The following PRSS23 variants were observed in gnomAD, a reference collection of about 807,000 sequenced individuals.
PRSS23 encodes the protein serine protease 23.
A neutral mutation model predicts 34.7 loss-of-function variants in PRSS23; 25 were observed. The ratio of observed to expected loss-of-function variants is 0.72; its 90% CI spans 0.53 to 1.01. PRSS23 has a LOEUF of 1.01. PRSS23 is among the 50% of genes least tolerant of loss of function. The pLI is 0.00. For missense variants in PRSS23, 445 were observed against 475.6 expected (o/e 0.94, Z 0.60); for synonymous variants, 176 against 186.6 (o/e 0.94, Z 0.46).
chr11:86,826,596 T>G (rs1235494178), intron 2 of PRSS23, among the ~76,000 whole-genome samples: 5 of 152,228 alleles, frequency 3.3e-5, no homozygotes, highest in Admixed American at 3.3e-4. Context: ...TGCTTCCAAT[T>G]TCTGCCCATT....
Position 86,808,592 on chromosome 11 carries a change from G to A in PRSS23, c.949G>A (p.Gly317Arg), listed in dbSNP as rs751559846. The change falls in exon 2 of 2, where the codon GGG (glycine) becomes AGG (arginine). Residue 317 changes from glycine to arginine, a missense_variant. Physicochemically the swap from Gly to Arg is moderately radical, Grantham distance 125. Coordinates refer to ENST00000280258, the MANE Select transcript of PRSS23 (RefSeq NM_007173.6). ...ATGCGATGCCCAGCCAGGGGCCAGC[G>A]GGTCTGGGGTCTATGTGAGGATGTG... is the stretch of plus-strand genomic sequence containing the variant. ...QQCDAQPGAS[G>R]SGVYVRMWKR... 3.7e-6 allele frequency: 6 copies of A among 1,614,100 alleles called. No homozygotes were observed. Among genetic ancestry groups the A allele is most frequent in the African/African-American group, 1.3e-5 (1 of 74,932 alleles).
chr11:86,841,471 AC>A lies in PRSS23; in HGVS notation c.206+17879del, dbSNP rs554632422. Among the ~76,000 whole-genome samples, 87 of 152,232 alleles carry A rather than the reference AC, an allele frequency of 5.7e-4. 1 individual carries two copies. Among genetic ancestry groups the A allele is most frequent in the Middle Eastern group, 3.4e-3 (1 of 294 alleles). On this transcript the variant is annotated intron_variant, in intron 2 of 2. Coordinates refer to the PRSS23 transcript ENST00000533902. ...CTGAAGGAGATAAGAGACACAAAAA[AC>A]ACTTCAAAAAAATCAATGAATCCAG...
At chr11:86,805,976 C>T (rs1175611095) in intron 1 of PRSS23, among the ~76,000 whole-genome samples, 1 of 152,196 alleles carries the variant, frequency 6.6e-6, no homozygotes, top group Non-Finnish European at 1.5e-5. Context: ...GTTACCCTAC[C>T]TGCTGAGTCA....
chr11:86,894,089 C>T (rs1394371964), intron 2 of PRSS23, among the ~76,000 whole-genome samples: 1 of 152,240 alleles, frequency 6.6e-6, no homozygotes, highest in Non-Finnish European at 1.5e-5. Context: ...TCTTGGCTCA[C>T]TGCAACCTCC....
chr11:86,896,945 C>T (rs1282602704), intron 2 of PRSS23, among the ~76,000 whole-genome samples: 1 of 152,214 alleles, frequency 6.6e-6, no homozygotes, highest in Non-Finnish European at 1.5e-5. Context: ...TCTTTAACTT[C>T]AGCCCATCAT....
intron 2 of PRSS23, among the ~76,000 whole-genome samples, chr11:86,865,477 A>G (rs1948643832): frequency 1.3e-5 from 2 of 152,214 alleles, no homozygotes; most frequent in South Asian, 2.1e-4. Context: ...TGCTAAATCC[A>G]TGTTCTGTGA....
intron 2 of PRSS23, among the ~76,000 whole-genome samples, chr11:86,826,503 G>T (rs867072920): frequency 6.6e-6 from 1 of 151,970 alleles, no homozygotes; most frequent in Admixed American, 6.5e-5. Context: ...CTGCCTAATT[G>T]CCCTGGCCAG....
intron 2 of PRSS23, among the ~76,000 whole-genome samples, chr11:86,939,423 T>TTTTTTTTTTTAAAAAAAAA (rs1565392807): frequency 3.0e-5 from 3 of 100,428 alleles, no homozygotes; most frequent in African/African-American, 3.2e-5. Flanking sequence ...TATATATATA[T>TTTTTTTTTTTAAAAAAAAA]ATATTTTTTA....
intron 2 of PRSS23, chr11:86,857,510 T>C (rs1948580413): frequency 2.3e-6 from 1 of 431,072 alleles, no homozygotes; most frequent in South Asian, 1.8e-5. Flanking sequence ...AGAAGGTGAG[T>C]TGTGTAACAC....
At chr11:86,881,505 A>G (rs1948772043) in intron 2 of PRSS23, among the ~76,000 whole-genome samples, 1 of 151,932 alleles carries the variant, frequency 6.6e-6, no homozygotes, top group East Asian at 1.9e-4. Flanking sequence ...GTTTGCTAGT[A>G]TTTTGTTGAA....
exon 3 of PRSS23, chr11:86,952,555 G>A: frequency 6.9e-7 from 1 of 1,457,260 alleles, no homozygotes; most frequent in East Asian, 2.3e-5. Flanking sequence ...TGAGTTGAAT[G>A]CTTCCAGGCA....
chr11:86,871,081 A>T (rs143264034), intron 2 of PRSS23, among the ~76,000 whole-genome samples: 1 of 152,130 alleles, frequency 6.6e-6, no homozygotes, highest in African/African-American at 2.4e-5. Flanking sequence ...GGACCAGCTG[A>T]ATTGGAGCGC....
chr11:86,839,068 AC>A (rs1375626713), intron 2 of PRSS23, among the ~76,000 whole-genome samples: 6 of 151,128 alleles, frequency 4.0e-5, no homozygotes, highest in Admixed American at 1.3e-4. Context: ...AAAAAAAAAA[AC>A]AACAGAGCGC....
rs747615257 is a variant in PRSS23 at position 86,808,748 on chromosome 11, A to T, written c.1105A>T (p.Ile369Phe). ...AATCACTCCTCTCAAATATGCCCAG[A>T]TTTGCTATTGGATTAAAGGAAACTA... Reference protein sequence around the residue: ...VRITPLKYAQICYWIKGNYLD... With the variant: ...VRITPLKYAQFCYWIKGNYLD... The change falls in exon 2 of 2, where the codon ATT becomes TTT. Residue 369 changes from isoleucine to phenylalanine, a missense_variant. Transcript: ENST00000280258. 9 of 1,613,980 alleles carry T rather than the reference A, an allele frequency of 5.6e-6. No individual in the cohort carries two copies. In the Admixed American group the frequency reaches 1.5e-4, roughly 27 times the overall value.
chr11:86,912,774 T>C (rs954968703), intron 2 of PRSS23, among the ~76,000 whole-genome samples: 3 of 152,222 alleles, frequency 2.0e-5, no homozygotes, highest in Non-Finnish European at 2.9e-5. Flanking sequence ...TCAGAGCTTG[T>C]CTCTATTAGC....
intron 2 of PRSS23, among the ~76,000 whole-genome samples, chr11:86,850,687 T>C (rs1948522549): frequency 6.6e-6 from 1 of 152,166 alleles, no homozygotes; most frequent in East Asian, 1.9e-4. Flanking sequence ...TAACTGCCCA[T>C]TTTTCTGTGA....
intron 1 of PRSS23, among the ~76,000 whole-genome samples, chr11:86,793,110 G>C (rs1159174609): frequency 1.3e-5 from 2 of 152,116 alleles, no homozygotes; most frequent in East Asian, 1.9e-4. Context: ...TCTTTAGAAG[G>C]CTTCTATATT....
At chr11:86,931,785 G>A (rs927816225) in intron 2 of PRSS23, among the ~76,000 whole-genome samples, 3 of 152,066 alleles carry the variant, frequency 2.0e-5, no homozygotes, top group Non-Finnish European at 4.4e-5. Flanking sequence ...GGGATTACAG[G>A]CATGAGCCAT....
At chr11:86,908,276 C>T (rs965989036) in intron 2 of PRSS23, among the ~76,000 whole-genome samples, 2 of 152,158 alleles carry the variant, frequency 1.3e-5, no homozygotes, top group African/African-American at 4.8e-5. Flanking sequence ...AAGGAAACTC[C>T]ATACTGCTTT....
Sources: gnomAD v4.1 joint callset for allele counts (sites outside exome capture counted in the v4.1 genomes callset) on GRCh38, gnomAD v4.1.1 for gene constraint, MANE v1.5 for transcripts, NCBI Gene and HGNC (gene_info 2026-07-23, HGNC 2026-07-21) for gene names.